Variants in STPG2 observed in about 807,000 individuals in gnomAD.
STPG2 encodes sperm-tail PG-rich repeat-containing protein 2.
STPG2 carries 56 observed loss-of-function variants against 54.2 expected under a neutral mutation model. That is an observed-to-expected ratio of 1.03 (90% CI 0.83 to 1.29). The LOEUF is 1.29. Among genes scored for constraint, STPG2 ranks in the 50% most tolerant of loss-of-function variants. The pLI, the probability that STPG2 is intolerant of heterozygous loss-of-function variation, is 0.00. For missense variants in STPG2, 596 were observed against 544.9 expected, an observed-to-expected ratio of 1.09 and a Z score of -0.93; for synonymous variants, 200 against 181.8, an observed-to-expected ratio of 1.10 and a Z score of -0.81.
chr4:97,607,024 A>T (rs937794396), intron 10 of STPG2, among the ~76,000 whole-genome samples: 1 of 152,094 alleles, frequency 6.6e-6, no homozygotes, highest in African/African-American at 2.4e-5. Flanking sequence ...TAACTTAAAA[A>T]TTTTGGAAAT....
rs538210606 is a variant in STPG2, at chr4:97,687,061, C to T, written c.1320+25638G>A. 6.6e-5 allele frequency among the ~76,000 whole-genome samples: 10 copies of T among 151,794 alleles called. No individual in the cohort carries two copies. The South Asian group carries it at 1.5e-3, about 22-fold the overall frequency. ...GTTCACGCCATTCTCCTGCCTCAGC[C>T]TCCCGAGTAGCTGGGACTACAGGCG... On this transcript the variant is annotated intron_variant, in intron 10 of 10. Transcript: ENST00000295268.
At chr4:98,108,325 C>T (rs980542286) in intron 4 of STPG2, among the ~76,000 whole-genome samples, 3 of 152,082 alleles carry the variant, frequency 2.0e-5, no homozygotes, top group African/African-American at 7.2e-5. Context: ...GGCAGATAAG[C>T]TGGACCCTTA....
At chr4:97,515,994 T>C (rs1297092970) in intron 4 of STPG2, among the ~76,000 whole-genome samples, 3 of 152,132 alleles carry the variant, frequency 2.0e-5, no homozygotes, top group Non-Finnish European at 4.4e-5. Flanking sequence ...TGCAAACAGA[T>C]GATGCAAGTG....
intron 9 of STPG2, among the ~76,000 whole-genome samples, chr4:97,743,272 A>G (rs1161738101): frequency 6.6e-6 from 1 of 151,742 alleles, no homozygotes; most frequent in Admixed American, 6.6e-5. Context: ...CACACCTAGC[A>G]CTGTGCCTTT....
At chr4:98,056,177 C>T (rs1339095036) in intron 5 of STPG2, among the ~76,000 whole-genome samples, 3 of 152,288 alleles carry the variant, frequency 2.0e-5, no homozygotes, top group Non-Finnish European at 2.9e-5. Context: ...GCCCCACCAC[C>T]ACCAGCACCA....
intron 5 of STPG2, among the ~76,000 whole-genome samples, chr4:97,987,664 T>C (rs1483812291): frequency 1.3e-5 from 2 of 152,194 alleles, no homozygotes; most frequent in South Asian, 2.1e-4. Flanking sequence ...TTTTTCTTTG[T>C]CTGAAAGAAT....
At chr4:97,789,377 T>G (rs888666416) in intron 9 of STPG2, among the ~76,000 whole-genome samples, 3 of 152,054 alleles carry the variant, frequency 2.0e-5, no homozygotes, top group Admixed American at 6.6e-5. Context: ...AATATGCAGG[T>G]GTTTCATCAC....
chr4:98,100,972 C>T (rs1290558565), intron 5 of STPG2, among the ~76,000 whole-genome samples: 1 of 151,948 alleles, frequency 6.6e-6, no homozygotes, highest in Non-Finnish European at 1.5e-5. Context: ...CACTGCACCC[C>T]GCCTCCTTCA....
In STPG2 at chr4:97,943,986, C is replaced by T; in HGVS notation, c.955G>A (p.Val319Met). ...DYQEFWHSQG[V>M]GISDELPNLT... ...TTAGGTAATTCATCAGAAATTCCCA[C>T]ACCCTGTGAATGCCAAAATTCCTGT... is the stretch of plus-strand genomic sequence containing the variant. Residue 319 changes from valine to methionine, a missense_variant, in exon 8 of 11, where the codon GTG becomes ATG. Transcript: ENST00000295268. 6.2e-7 allele frequency: 1 copy of T among 1,608,494 alleles called. No individual in the cohort carries two copies. The highest frequency in any genetic ancestry group is 8.5e-7 in the Non-Finnish European group (1 of 1,178,062).
At chr4:98,063,923 G>A (rs1400156726) in intron 5 of STPG2, among the ~76,000 whole-genome samples, 2 of 151,648 alleles carry the variant, frequency 1.3e-5, no homozygotes, top group Non-Finnish European at 2.9e-5. Context: ...TGTGCACATG[G>A]GTAACAGAGT....
intron 6 of STPG2, among the ~76,000 whole-genome samples, chr4:97,978,673 T>C (rs1429369194): frequency 6.6e-6 from 1 of 151,976 alleles, no homozygotes; most frequent in African/African-American, 2.4e-5. Flanking sequence ...AAGTTAAAAA[T>C]AAATAAAAAG....
intron 8 of STPG2, among the ~76,000 whole-genome samples, chr4:97,842,744 T>C (rs993394012): frequency 2.1e-4 from 32 of 152,006 alleles, no homozygotes; most frequent in Admixed American, 1.9e-3. Context: ...TCAAACTAGT[T>C]CCTTAAATTC....
At chr4:97,603,513 C>A (rs1053742675) in intron 10 of STPG2, among the ~76,000 whole-genome samples, 7 of 151,544 alleles carry the variant, frequency 4.6e-5, no homozygotes, top group Admixed American at 2.6e-4. Context: ...AGCTGTACCT[C>A]CACAGTAGCA....
chr4:97,785,504 A>T (rs1318172641), intron 9 of STPG2, among the ~76,000 whole-genome samples: 1 of 152,120 alleles, frequency 6.6e-6, no homozygotes, highest in African/African-American at 2.4e-5. Flanking sequence ...ATATAATTGT[A>T]TATACGTTTG....
intron 5 of STPG2, among the ~76,000 whole-genome samples, chr4:98,100,323 A>G (rs982357830): frequency 6.6e-6 from 1 of 152,168 alleles, no homozygotes; most frequent in African/African-American, 2.4e-5. Context: ...GGTTTAATTG[A>G]GGATGTTAGA....
intron 9 of STPG2, among the ~76,000 whole-genome samples, chr4:97,795,882 G>A (rs1727156807): frequency 6.6e-6 from 1 of 152,046 alleles, no homozygotes; most frequent in Non-Finnish European, 1.5e-5. Context: ...ACTTTTTAAT[G>A]ACCACCATTC....
Position 98,024,798 on chromosome 4 carries a change from G to A in STPG2, c.613-43480C>T, listed in dbSNP as rs533767664. Among the ~76,000 whole-genome samples, 26 of 152,168 alleles carry A rather than the reference G, an allele frequency of 1.7e-4. No individual in the cohort carries two copies. The East Asian group carries it at 4.6e-3, about 27-fold the overall frequency. On this transcript the variant is annotated intron_variant, in intron 5 of 10. Transcript: ENST00000295268. ...ACTGGCTTTTCAGTTTGTTTTACAA[G>A]AATATCCAGAAGAAATGCATTTGGC...
intron 5 of STPG2, among the ~76,000 whole-genome samples, chr4:98,082,694 C>T (rs187958739): frequency 4.6e-5 from 7 of 151,776 alleles, no homozygotes; most frequent in African/African-American, 1.7e-4. Context: ...CCTCATGATC[C>T]GCCTGCCTCG....
At chr4:97,454,282 G>A (rs927707792) in intron 4 of STPG2, among the ~76,000 whole-genome samples, 6 of 151,558 alleles carry the variant, frequency 4.0e-5, no homozygotes, top group Non-Finnish European at 8.8e-5. Flanking sequence ...GGGAGGCCGA[G>A]GCGGGTGGAT....
Sources: allele counts gnomAD v4.1 joint callset (sites outside exome capture counted in the v4.1 genomes callset), GRCh38; gene constraint gnomAD v4.1.1; transcripts MANE v1.5; gene names NCBI Gene and HGNC (gene_info 2026-07-23, HGNC 2026-07-21).